The following CSNK1G1 variants were observed in gnomAD, a reference collection of about 807,000 sequenced individuals.
The protein encoded by CSNK1G1 is casein kinase I isoform gamma-1.
Under a neutral mutation model 59.6 loss-of-function variants are expected in CSNK1G1, and 22 were observed. The observed-to-expected ratio is 0.37, with a 90% CI of 0.26 to 0.53. The LOEUF is 0.53. Among genes scored for constraint, CSNK1G1 ranks in the 20% least tolerant of loss-of-function variants. The pLI is 0.89. For synonymous variants in CSNK1G1, 179 were observed against 177.1 expected (o/e 1.01, Z -0.08); for missense variants, 384 against 519.5 (o/e 0.74, Z 2.54).
intron 2 of CSNK1G1, among the ~76,000 whole-genome samples, chr15:64,291,738 G>C (rs992733768): frequency 1.3e-5 from 2 of 152,156 alleles, no homozygotes; most frequent in African/African-American, 4.8e-5. Flanking sequence ...AGATAACATG[G>C]AGAGTTCTGC....
intron 2 of CSNK1G1, among the ~76,000 whole-genome samples, chr15:64,285,441 A>G (rs1159105490): frequency 6.6e-6 from 1 of 152,222 alleles, no homozygotes; most frequent in African/African-American, 2.4e-5. Context: ...TCTATAGTCT[A>G]GATGTTCAAA....
At position 64,217,206 on chromosome 15, in the gene CSNK1G1, C is replaced by T. The variant is rs1051393434; in HGVS notation, c.293-493G>A. 8.5e-5 allele frequency among the ~76,000 whole-genome samples: 13 copies of T among 152,224 alleles called. No homozygotes were observed. In the East Asian group the frequency reaches 1.2e-3, roughly 14 times the overall value. The stretch of plus-strand genomic sequence containing the variant: ...AGACTGAAGAGGCAAGGTCACAGAG[C>T]GTGCAGCCTGGCCCCAGGCCAGCAC... On this transcript the variant is annotated intron_variant, in intron 4 of 11. Coordinates refer to ENST00000303052, the MANE Select transcript of CSNK1G1 (RefSeq NM_022048.5).
At position 64,238,526 on chromosome 15, in the gene CSNK1G1, T is replaced by A. The variant is rs1306214687; in HGVS notation, c.292+12986A>T. Among the ~76,000 whole-genome samples the A allele has an allele frequency of 1.2e-3, 145 of 119,372 alleles. 1 individual carries two copies. The highest frequency in any genetic ancestry group is 4.5e-3 in the African/African-American group (128 of 28,152). 78.3% of individuals were successfully genotyped at this position (119,372 alleles called of 152,430 possible). The stretch of plus-strand genomic sequence containing the variant: ...AAAAAAAAAAAAAAAAAAATATATA[T>A]ATATATATATATATATATGAAAAAA... On this transcript the variant is annotated intron_variant, in intron 4 of 11. Transcript: ENST00000303052.
chr15:64,276,346 G>T (rs1424322221), intron 2 of CSNK1G1, among the ~76,000 whole-genome samples: 1 of 152,106 alleles, frequency 6.6e-6, no homozygotes, highest in East Asian at 1.9e-4. Context: ...AAATTTTTAT[G>T]CATAACTTCA....
At chr15:64,296,092 C>T (rs192304995) in intron 2 of CSNK1G1, among the ~76,000 whole-genome samples, 2 of 152,220 alleles carry the variant, frequency 1.3e-5, no homozygotes, top group Admixed American at 1.3e-4. Context: ...CTTTATTAAC[C>T]TTCTCTGCCA....
chr15:64,297,597 C>T (rs944855328), intron 2 of CSNK1G1, among the ~76,000 whole-genome samples: 11 of 151,742 alleles, frequency 7.2e-5, no homozygotes, highest in African/African-American at 2.7e-4. Flanking sequence ...ATTAAGGAGG[C>T]TGAAGTAGGA....
Position 64,176,465 on chromosome 15 carries a change from C to T in CSNK1G1, c.1214+3883G>A, listed in dbSNP as rs561497777. Among the ~76,000 whole-genome samples, 18 of 152,268 alleles carry T rather than the reference C, an allele frequency of 1.2e-4. No individual in the cohort carries two copies. The highest frequency in any genetic ancestry group is 3.9e-4 in the African/African-American group (16 of 41,538). On this transcript the variant is annotated intron_variant, in intron 11 of 11. Transcript: ENST00000303052. This position sits in a 1 kb window ranked among gnomAD's most constrained non-coding sequence, Gnocchi z 5.2. ...GTAGGCCCAGGCCACTTGGTCCCCA[C>T]GTTAAAGTGGAGGGTTCGGACAGGA...
chr15:64,207,466 G>A (rs765937429), intron 7 of CSNK1G1, 43 bp downstream of exon 7: 1 of 1,400,502 alleles, frequency 7.1e-7, no homozygotes, highest in South Asian at 1.2e-5. Context: ...ATTAACAACT[G>A]AGCATTGAAA....
intron 1 of CSNK1G1, among the ~76,000 whole-genome samples, chr15:64,320,896 A>G (rs1896528606): frequency 6.6e-6 from 1 of 152,112 alleles, no homozygotes; most frequent in African/African-American, 2.4e-5. Context: ...ATGGCTTTTT[A>G]AATCTTTAGC....
chr15:64,307,059 G>C (rs1286680478), intron 1 of CSNK1G1, among the ~76,000 whole-genome samples: 4 of 152,162 alleles, frequency 2.6e-5, no homozygotes, highest in East Asian at 1.9e-4. Flanking sequence ...CATAATGGTA[G>C]ATGCATGTCA....
intron 1 of CSNK1G1, among the ~76,000 whole-genome samples, chr15:64,302,467 T>G (rs1895408689): frequency 6.6e-6 from 1 of 152,088 alleles, no homozygotes; most frequent in Non-Finnish European, 1.5e-5. Context: ...TTACAATAGA[T>G]TTACATTTAT....
intron 4 of CSNK1G1, among the ~76,000 whole-genome samples, chr15:64,230,409 C>T (rs2082530769): frequency 6.6e-6 from 1 of 151,900 alleles, no homozygotes; most frequent in Admixed American, 6.6e-5. Context: ...GCAATATTCC[C>T]ACCTCAGCCT....
intron 1 of CSNK1G1, among the ~76,000 whole-genome samples, chr15:64,344,530 G>A (rs543162478): frequency 9.2e-5 from 14 of 152,220 alleles, no homozygotes; most frequent in Admixed American, 4.6e-4. Flanking sequence ...TATCTGGAAC[G>A]TGAAACATAA....
intron 1 of CSNK1G1, among the ~76,000 whole-genome samples, chr15:64,303,901 G>T (rs1203831314): frequency 7.9e-6 from 1 of 126,270 alleles, no homozygotes; most frequent in East Asian, 2.2e-4. Flanking sequence ...GTATGGGTGA[G>T]AGCAAGGCCC....
chr15:64,199,348 T>C (rs960977142), intron 10 of CSNK1G1, among the ~76,000 whole-genome samples: 5 of 150,628 alleles, frequency 3.3e-5, no homozygotes, highest in African/African-American at 4.9e-5. Context: ...AAAATAAGCA[T>C]AGTAGTTAAA....
intron 7 of CSNK1G1, among the ~76,000 whole-genome samples, chr15:64,205,288 C>T (rs1204673091): frequency 6.6e-6 from 1 of 152,032 alleles, no homozygotes; most frequent in African/African-American, 2.4e-5. Context: ...CCATGGCCAC[C>T]ATAATTCAAT....
intron 1 of CSNK1G1, among the ~76,000 whole-genome samples, chr15:64,321,240 A>AT (rs1164609510): frequency 2.0e-5 from 3 of 149,242 alleles, no homozygotes; most frequent in African/African-American, 4.9e-5. Flanking sequence ...AAAAAAAAGC[A>AT]TTTTTTTTCT....
rs1173042128 is a variant in CSNK1G1, at chr15:64,203,100, CTGT to C, written c.1086_1088del (p.Gln364del). 2.5e-6 allele frequency: 4 copies of C among 1,613,478 alleles called. No individual in the cohort carries two copies. The Admixed American group carries it at 5.0e-5, about 20-fold the overall frequency. Reference sequence around the variant, plus strand: ...CACATACCTGATTTCGAAGAGGCTGCTGTTGTGATGGCCGATCCCTATGTGTGT... The same window carrying C: ...CACATACCTGATTTCGAAGAGGCTGCTGTGATGGCCGATCCCTATGTGTGT... On this transcript the variant is annotated inframe_deletion, in exon 10 of 12. Transcript: ENST00000303052.
chr15:64,237,482 A>G (rs1029016158), intron 4 of CSNK1G1, among the ~76,000 whole-genome samples: 1 of 152,162 alleles, frequency 6.6e-6, no homozygotes, highest in Non-Finnish European at 1.5e-5. Context: ...TAAGTTCCCT[A>G]AGCACTCCTA....
Sources: gnomAD v4.1 joint callset for allele counts (sites outside exome capture counted in the v4.1 genomes callset) on GRCh38, gnomAD v4.1.1 for gene constraint, Gnocchi (gnomAD v3.1) non-coding constraint, MANE v1.5 for transcripts, NCBI Gene and HGNC (gene_info 2026-07-23, HGNC 2026-07-21) for gene names.